The following RAB11B variants were observed in gnomAD, a reference collection of about 807,000 sequenced individuals.
RAB11B encodes the protein RAB11B, member RAS oncogene family, also known as ras-related protein Rab-11B.
Under a neutral mutation model 23.7 loss-of-function variants are expected in RAB11B, and 7 were observed. That is an observed-to-expected ratio of 0.29 (90% CI 0.17 to 0.55). The LOEUF is 0.55. Among genes scored for constraint, RAB11B ranks in the 20% least tolerant of loss-of-function variants. The pLI is 0.93. For missense variants in RAB11B, 189 were observed against 320.0 expected, an observed-to-expected ratio of 0.59 and a Z score of 3.12; for synonymous variants, 138 against 132.0, an observed-to-expected ratio of 1.05 and a Z score of -0.31.
intron 2 of RAB11B, among the ~76,000 whole-genome samples, chr19:8,401,154 C>T (rs557142901): frequency 3.6e-4 from 55 of 152,292 alleles, no homozygotes; most frequent in African/African-American, 1.1e-3. Context: ...AGTCTCAGCT[C>T]ACTGCAAGCT....
At chr19:8,400,338 C>A in intron 2 of RAB11B, 1 of 496,404 alleles carries the variant, frequency 2.0e-6, no homozygotes. Context: ...AGCCAGCATC[C>A]CAGCCTTCCT....
intron 3 of RAB11B, 33 bp from the exon 4 acceptor site, chr19:8,402,452 C>T (rs1187468020): frequency 1.9e-6 from 3 of 1,598,540 alleles, no homozygotes; most frequent in Admixed American, 3.3e-5. Context: ...CACCCTGCCT[C>T]CCCACTCACC....
rs1971462329 is a variant in RAB11B at position 8,404,160 on chromosome 19, G to GCTTAGCACCCAAT, written c.*602_*603insCTTAGCACCCAAT. ...TCTCCTGCACGCAACGCGCCCTCTC[G>GCTTAGCACCCAAT]GCCCTCCCTGTCCCCCTCCTCTGTC... On this transcript the variant is annotated 3_prime_UTR_variant, in exon 5 of 5. Coordinates refer to ENST00000328024, the MANE Select transcript of RAB11B (RefSeq NM_004218.4). 3 of 138,026 alleles carry GCTTAGCACCCAAT rather than the reference G, an allele frequency of 2.2e-5. No homozygotes were observed. The highest frequency in any genetic ancestry group is 4.6e-5 in the Non-Finnish European group (3 of 65,232). The allele number at this position is 138,026 out of a possible 1,614,324, so 8.6% of individuals were successfully genotyped here. A position where few individuals can be genotyped will look rare whatever the true frequency, so the allele number is the denominator to read the frequency against.
intron 1 of RAB11B, among the ~76,000 whole-genome samples, chr19:8,392,601 ATCTGCCG>A (rs1212874748): frequency 6.6e-6 from 1 of 150,874 alleles, no homozygotes; most frequent in Admixed American, 6.6e-5. Flanking sequence ...CAAACTGGTC[ATCTGCCG>A]TCTCACCTTC....
intron 1 of RAB11B, among the ~76,000 whole-genome samples, chr19:8,394,561 T>C (rs906146754): frequency 1.3e-5 from 2 of 152,220 alleles, no homozygotes; most frequent in African/African-American, 4.8e-5. Context: ...CATCTGTCCC[T>C]GGGGCAGCCC....
chr19:8,402,670 T>TG (rs1555691045), intron 4 of RAB11B, 105 bp downstream of exon 4: 25 of 933,686 alleles, frequency 2.7e-5, no homozygotes, highest in South Asian at 4.7e-5. Context: ...TTTTTCTTTT[T>TG]TTTGTCGGGG....
intron 2 of RAB11B, 50 bp from the exon 3 acceptor site, chr19:8,402,036 G>T: frequency 2.0e-6 from 3 of 1,501,086 alleles, no homozygotes; most frequent in Non-Finnish European, 1.8e-6. Context: ...TGAGGCTGCC[G>T]CTGCCCATGG....
intron 3 of RAB11B, 52 bp downstream of exon 3, chr19:8,402,331 C>A: frequency 1.3e-6 from 2 of 1,530,998 alleles, no homozygotes; most frequent in Admixed American, 2.0e-5. Context: ...GGCAGGAGGC[C>A]CCTCACAGTG....
chr19:8,396,778 C>A lies in RAB11B; in HGVS notation c.41-3085C>A, dbSNP rs1333004085. ...GGGGAGGACTGTGGCTTTTCCCCTG[C>A]GGAAGGTGGGGGCCACGGAGGGTTG... On this transcript the variant is annotated intron_variant, in intron 1 of 4. Coordinates refer to ENST00000328024, the MANE Select transcript of RAB11B (RefSeq NM_004218.4). This position sits in a 1 kb window ranked among gnomAD's most constrained non-coding sequence, Gnocchi z 5.0. Among the ~76,000 whole-genome samples, 2 of 148,320 alleles carry A rather than the reference C, an allele frequency of 1.3e-5. No individual in the cohort carries two copies. The highest frequency in any genetic ancestry group is 5.0e-5 in the African/African-American group (2 of 39,676).
chr19:8,395,437 C>CTAACAT (rs1971389579), intron 1 of RAB11B, among the ~76,000 whole-genome samples: 1 of 151,992 alleles, frequency 6.6e-6, no homozygotes, highest in Non-Finnish European at 1.5e-5. Flanking sequence ...TTCATAGAGA[C>CTAACAT]GGGGTTTCAC....
intron 4 of RAB11B, chr19:8,403,015 G>T: frequency 3.1e-6 from 1 of 326,626 alleles, no homozygotes; most frequent in Non-Finnish European, 5.6e-6. Flanking sequence ...AAACCTGCCG[G>T]TCCACCTGGA....
chr19:8,392,462 T>TC (rs781316369), intron 1 of RAB11B, among the ~76,000 whole-genome samples: 24 of 130,464 alleles, frequency 1.8e-4, no homozygotes, highest in Non-Finnish European at 2.5e-4. Flanking sequence ...CGGTGTGGGG[T>TC]GGGGGGGGGC....
At position 8,403,513 on chromosome 19, in the gene RAB11B, G is replaced by T; in HGVS notation, c.612G>T (p.Thr204=). The T allele has an allele frequency of 1.2e-6, 2 of 1,613,882 alleles. No individual in the cohort carries two copies. The highest frequency in any genetic ancestry group is 1.7e-6 in the Non-Finnish European group (2 of 1,179,840). The change falls in exon 5 of 5, where the codon ACG becomes ACT. Residue 204 remains threonine, a synonymous_variant. Transcript: ENST00000328024. ...NVVDISVPPT[T]DGQKPNKLQC... ...TGGACATCAGCGTGCCGCCCACCAC[G>T]GACGGACAGAAGCCCAACAAGCTGC...
chr19:8,394,062 A>G (rs763350840), intron 1 of RAB11B, among the ~76,000 whole-genome samples: 19 of 152,178 alleles, frequency 1.2e-4, no homozygotes, highest in Non-Finnish European at 2.5e-4. Flanking sequence ...TGTCCTAGAC[A>G]ATGAAGTTTT....
In RAB11B at chr19:8,403,596, G is replaced by A. The variant is rs374172999; in HGVS notation, c.*38G>A. 1.7e-5 allele frequency: 26 copies of A among 1,574,496 alleles called. No individual in the cohort carries two copies. Among genetic ancestry groups the A allele is most frequent in the Middle Eastern group, 1.7e-4 (1 of 5,810 alleles). On this transcript the variant is annotated 3_prime_UTR_variant, in exon 5 of 5. Coordinates refer to ENST00000328024, the MANE Select transcript of RAB11B (RefSeq NM_004218.4). ...CACCCAGCGTGCGTGCACGTCCTCC[G>A]CCCGCCCCCGCCACGGTATCCTCTG...
At chr19:8,393,497 T>C (rs539667505) in intron 1 of RAB11B, among the ~76,000 whole-genome samples, 5 of 152,328 alleles carry the variant, frequency 3.3e-5, no homozygotes, top group Admixed American at 2.0e-4. Flanking sequence ...TGCTTCCCTT[T>C]CTGTGCTGAG....
chr19:8,402,943 GTGAGCCACTGCACC>G (rs1424568618), intron 4 of RAB11B: 1 of 419,180 alleles, frequency 2.4e-6, no homozygotes, highest in African/African-American at 2.0e-5. Flanking sequence ...GATTACAGGC[GTGAGCCACTGCACC>G]TGGCCTGTTT....
chr19:8,397,062 G>C (rs892594686), intron 1 of RAB11B, among the ~76,000 whole-genome samples: 3 of 152,214 alleles, frequency 2.0e-5, no homozygotes, highest in Non-Finnish European at 4.4e-5. Flanking sequence ...GGAAGGAGTC[G>C]AGAATGACTC....
intron 2 of RAB11B, among the ~76,000 whole-genome samples, chr19:8,400,701 C>T (rs1971430729): frequency 6.6e-6 from 1 of 152,042 alleles, no homozygotes; most frequent in Admixed American, 6.6e-5. Flanking sequence ...ATTCTCCTGC[C>T]TCAGCCTCCC....
Sources: allele counts gnomAD v4.1 joint callset (sites outside exome capture counted in the v4.1 genomes callset), GRCh38; gene constraint gnomAD v4.1.1; non-coding constraint Gnocchi (gnomAD v3.1); transcripts MANE v1.5; gene names NCBI Gene and HGNC (gene_info 2026-07-23, HGNC 2026-07-21).